PTH2R: variants seen among roughly 807,000 people sequenced by gnomAD.
PTH2R encodes PTH2 receptor.
A neutral mutation model predicts 60.3 loss-of-function variants in PTH2R; 59 were observed. The ratio of observed to expected loss-of-function variants is 0.98; its 90% CI spans 0.79 to 1.22. PTH2R has a LOEUF of 1.22. Ranked by LOEUF, PTH2R falls within the 50% of genes most tolerant of loss-of-function variation. The pLI is 0.00. For missense variants in PTH2R, 749 were observed against 682.6 expected (o/e 1.10, Z -1.08); for synonymous variants, 256 against 243.8 (o/e 1.05, Z -0.47).
chr2:208,443,344 G>C lies in PTH2R; in HGVS notation c.510-4G>C. The C allele has an allele frequency of 6.5e-7, 1 of 1,536,234 alleles. No individual in the cohort carries two copies. The highest frequency in any genetic ancestry group is 8.7e-7 in the Non-Finnish European group (1 of 1,143,494). ...ATTTAAATACTGAATATTTCTCTCCGTAGACGATTGCATTGCACTAGGAAC... is the reference window on the plus strand; with the variant it reads ...ATTTAAATACTGAATATTTCTCTCCCTAGACGATTGCATTGCACTAGGAAC... On this transcript the variant is annotated splice_region_variant and splice_polypyrimidine_tract_variant and intron_variant, in intron 5 of 12. Coordinates refer to ENST00000272847, the MANE Select transcript of PTH2R (RefSeq NM_005048.4).
rs1021312902 is a variant in PTH2R at position 208,392,095 on chromosome 2, G to A, written c.-259+31858G>A. Among the ~76,000 whole-genome samples, 5 of 152,254 alleles carry A rather than the reference G, an allele frequency of 3.3e-5. No homozygotes were observed. The East Asian group carries it at 5.8e-4, about 18-fold the overall frequency. The stretch of plus-strand genomic sequence containing the variant: ...CAAATGCAAACAGGTATTGAGAGTC[G>A]GGATGTAACAGTATGCAGAAAAAGA... On this transcript the variant is annotated intron_variant, in intron 1 of 12. Coordinates refer to the PTH2R transcript ENST00000617735.
chr2:208,396,010 A>G (rs1442588927), intron 1 of PTH2R, among the ~76,000 whole-genome samples: 2 of 152,174 alleles, frequency 1.3e-5, no homozygotes, highest in Non-Finnish European at 2.9e-5. Flanking sequence ...AACACCACAC[A>G]TCTACAACCA....
chr2:208,437,618 C>A lies in PTH2R; in HGVS notation c.260C>A (p.Pro87His). 2 of 1,613,520 alleles carry A rather than the reference C, an allele frequency of 1.2e-6. No individual in the cohort carries two copies. Among genetic ancestry groups the A allele is most frequent in the Non-Finnish European group, 1.7e-6 (2 of 1,179,752 alleles). Reference protein sequence around the residue: ...TVGKISAVPCPPYIYDFNHKG... With the variant: ...TVGKISAVPCHPYIYDFNHKG... ...GGGAAAATATCGGCTGTTCCATGCCCTCCTTATATTTATGACTTCAACCAT... is the reference window on the plus strand; with the variant it reads ...GGGAAAATATCGGCTGTTCCATGCCATCCTTATATTTATGACTTCAACCAT... The change falls in exon 3 of 13, where the codon CCT becomes CAT. Residue 87 changes from proline to histidine, a missense_variant. By Grantham distance (77) the Pro-to-His change is moderately conservative. Transcript: ENST00000272847.
rs190017923 is a variant in PTH2R at position 208,476,501 on chromosome 2, G to T, written c.982-4569G>T. Among the ~76,000 whole-genome samples, 151 of 152,192 alleles carry T rather than the reference G, an allele frequency of 9.9e-4. 2 individuals carry two copies. Among genetic ancestry groups the T allele is most frequent in the African/African-American group, 3.4e-3 (140 of 41,530 alleles). On this transcript the variant is annotated intron_variant, in intron 9 of 12. Coordinates refer to ENST00000272847, the MANE Select transcript of PTH2R (RefSeq NM_005048.4). ...TGATTAGAAATGAACTATATATTTTGTCTTTATATTTGTGATACAGATAAT... is the reference window on the plus strand; with the variant it reads ...TGATTAGAAATGAACTATATATTTTTTCTTTATATTTGTGATACAGATAAT...
In PTH2R at chr2:208,442,350, C is replaced by T. The variant is rs1702201722; in HGVS notation, c.412-14C>T. On this transcript the variant is annotated splice_polypyrimidine_tract_variant and intron_variant, in intron 4 of 12. Transcript: ENST00000272847. ...ATAGTCCCATATCATACATGAGCAT[C>T]TCTTCCCTTGCAGCAAGAATTCTTT... 1 of 1,572,254 alleles carries T rather than the reference C, an allele frequency of 6.4e-7. No homozygotes were observed. Among genetic ancestry groups the T allele is most frequent in the Admixed American group, 1.7e-5 (1 of 59,892 alleles).
At chr2:208,370,630 C>T (rs1264615626) in intron 1 of PTH2R, among the ~76,000 whole-genome samples, 1 of 151,902 alleles carries the variant, frequency 6.6e-6, no homozygotes. Context: ...TTTCATTTTG[C>T]AGATCTCTTA....
At chr2:208,478,723 T>A (rs1703077421) in intron 9 of PTH2R, among the ~76,000 whole-genome samples, 1 of 152,166 alleles carries the variant, frequency 6.6e-6, no homozygotes, top group African/African-American at 2.4e-5. Flanking sequence ...TTAACTCAAC[T>A]CTATTTTATG....
chr2:208,467,311 T>C (rs1702775844), intron 9 of PTH2R, among the ~76,000 whole-genome samples: 1 of 152,154 alleles, frequency 6.6e-6, no homozygotes, highest in South Asian at 2.1e-4. Flanking sequence ...ATTGGGGAAA[T>C]ATAATTTAAT....
intron 1 of PTH2R, among the ~76,000 whole-genome samples, chr2:208,397,405 G>A (rs556046186): frequency 6.6e-6 from 1 of 152,194 alleles, no homozygotes; most frequent in East Asian, 1.9e-4. Context: ...TTGGATTCCT[G>A]GCCAATGCAC....
chr2:208,473,993 T>A (rs995765785), intron 9 of PTH2R, among the ~76,000 whole-genome samples: 2 of 152,160 alleles, frequency 1.3e-5, no homozygotes, highest in Non-Finnish European at 2.9e-5. Context: ...GCAGTCAAAC[T>A]CATATCCAAG....
intron 1 of PTH2R, among the ~76,000 whole-genome samples, chr2:208,421,908 G>A (rs1342308363): frequency 6.6e-6 from 1 of 152,144 alleles, no homozygotes; most frequent in African/African-American, 2.4e-5. Context: ...AAAATAGAAT[G>A]GCTAGCTGTA....
intron 1 of PTH2R, among the ~76,000 whole-genome samples, chr2:208,397,445 A>G (rs1701232087): frequency 6.6e-6 from 1 of 152,126 alleles, no homozygotes; most frequent in Admixed American, 6.5e-5. Flanking sequence ...TGACTGGAGG[A>G]ACACCAGGGT....
intron 1 of PTH2R, among the ~76,000 whole-genome samples, chr2:208,372,138 G>A (rs920385392): frequency 6.6e-6 from 1 of 152,032 alleles, no homozygotes; most frequent in African/African-American, 2.4e-5. Context: ...GGCCAGACTA[G>A]TCTCGAATTC....
At chr2:208,446,886 A>T (rs1702297471) in intron 7 of PTH2R, among the ~76,000 whole-genome samples, 2 of 152,304 alleles carry the variant, frequency 1.3e-5, no homozygotes, top group Non-Finnish European at 2.9e-5. Flanking sequence ...GCCTTGCAGG[A>T]TACTTTGCTA....
intron 9 of PTH2R, among the ~76,000 whole-genome samples, chr2:208,475,935 G>A (rs957853354): frequency 6.6e-6 from 1 of 152,080 alleles, no homozygotes; most frequent in Non-Finnish European, 1.5e-5. Flanking sequence ...GAATGACTAA[G>A]CAAGTAGGTG....
At chr2:208,442,913 T>G (rs568300979) in intron 5 of PTH2R, among the ~76,000 whole-genome samples, 1 of 152,318 alleles carries the variant, frequency 6.6e-6, no homozygotes, top group African/African-American at 2.4e-5. Context: ...TTACAAAATT[T>G]TGAGCACCAA....
chr2:208,484,806 G>A (rs1338633150), intron 10 of PTH2R, among the ~76,000 whole-genome samples: 1 of 152,134 alleles, frequency 6.6e-6, no homozygotes, highest in Non-Finnish European at 1.5e-5. Flanking sequence ...CACACTGAAT[G>A]GATACTTTCT....
intron 9 of PTH2R, among the ~76,000 whole-genome samples, chr2:208,474,908 C>T (rs1025839498): frequency 6.6e-5 from 10 of 152,120 alleles, no homozygotes; most frequent in African/African-American, 1.2e-4. Context: ...CTTGATGCAA[C>T]CTTCTAAGAA....
chr2:208,456,656 C>T (rs1005458234), intron 8 of PTH2R, among the ~76,000 whole-genome samples: 1 of 152,180 alleles, frequency 6.6e-6, no homozygotes, highest in Non-Finnish European at 1.5e-5. Context: ...CACCTGTTTT[C>T]AACCCTGGCT....
Sources: gnomAD v4.1 joint callset for allele counts (sites outside exome capture counted in the v4.1 genomes callset) on GRCh38, gnomAD v4.1.1 for gene constraint, MANE v1.5 for transcripts, NCBI Gene and HGNC (gene_info 2026-07-23, HGNC 2026-07-21) for gene names.